The following ASTN2 variants were observed in gnomAD, a reference collection of about 807,000 sequenced individuals.
ASTN2 encodes astrotactin 2, also known as astrotactin-2.
In ASTN2, 54 loss-of-function variants were observed where a neutral mutation model predicts 139.8. That is an observed-to-expected ratio of 0.39 (90% CI 0.31 to 0.48). ASTN2 has a LOEUF of 0.48. ASTN2 is among the 20% of genes least tolerant of loss of function. The probability of loss-of-function intolerance (pLI) is 0.95; values close to 1 mark genes in which losing one functional copy is unlikely to be tolerated. For missense variants in ASTN2, 1,565 were observed against 1,725.1 expected (o/e 0.91, Z 1.64); for synonymous variants, 756 against 719.5 (o/e 1.05, Z -0.81).
chr9:116,873,378 A>G (rs1329847651), intron 10 of ASTN2, among the ~76,000 whole-genome samples: 1 of 152,226 alleles, frequency 6.6e-6, no homozygotes, highest in African/African-American at 2.4e-5. Flanking sequence ...AAAGCCAGAG[A>G]CATTCAGCAA....
intron 16 of ASTN2, among the ~76,000 whole-genome samples, chr9:116,652,454 T>C (rs1327072728): frequency 1.3e-5 from 2 of 152,246 alleles, no homozygotes; most frequent in Admixed American, 6.5e-5. Flanking sequence ...CAAAAATTCC[T>C]TTCAGTCTTC....
rs534727528 is a variant in ASTN2, at chr9:117,383,869, A to C, written c.442+30628T>G. Among the ~76,000 whole-genome samples, 6 of 152,228 alleles carry C rather than the reference A, an allele frequency of 3.9e-5. No individual in the cohort carries two copies. The East Asian group carries it at 9.7e-4, about 24-fold the overall frequency. ...TGTTACGCTCAGCTCCCTTCTATCA[A>C]TTCCAGCTGCTCAGATGTTCCTAAC... On this transcript the variant is annotated intron_variant, in intron 1 of 22. Coordinates refer to ENST00000313400, the MANE Select transcript of ASTN2 (RefSeq NM_001365068.1).
intron 16 of ASTN2, among the ~76,000 whole-genome samples, chr9:116,685,596 C>G (rs1860153813): frequency 6.6e-6 from 1 of 152,094 alleles, no homozygotes; most frequent in South Asian, 2.1e-4. Context: ...TTTTTAAATG[C>G]CTCTGTGTAA....
At chr9:117,035,326 T>C (rs1379878489) in intron 6 of ASTN2, among the ~76,000 whole-genome samples, 1 of 152,166 alleles carries the variant, frequency 6.6e-6, no homozygotes. Context: ...TGAATACATA[T>C]ATGTAAAATA....
intron 1 of ASTN2, among the ~76,000 whole-genome samples, chr9:117,334,294 G>A (rs1828805272): frequency 6.6e-6 from 1 of 152,092 alleles, no homozygotes; most frequent in African/African-American, 2.4e-5. Context: ...GCCTTTGTAG[G>A]AACTGTCCAT....
intron 19 of ASTN2, among the ~76,000 whole-genome samples, chr9:116,542,763 A>T (rs1851927382): frequency 6.6e-6 from 1 of 152,054 alleles, no homozygotes; most frequent in African/African-American, 2.4e-5. Context: ...CCAAAAATAC[A>T]AAAAGTAGCT....
intron 19 of ASTN2, among the ~76,000 whole-genome samples, chr9:116,571,493 T>C (rs1203219663): frequency 2.0e-5 from 3 of 152,246 alleles, no homozygotes; most frequent in African/African-American, 4.8e-5. Flanking sequence ...TGTGGAGTTA[T>C]GTCCATACGG....
intron 10 of ASTN2, among the ~76,000 whole-genome samples, chr9:116,893,609 G>T (rs149831692): frequency 2.6e-5 from 4 of 152,026 alleles, no homozygotes; most frequent in East Asian, 1.9e-4. Context: ...GATGTGTCAG[G>T]GTTCCTGGTA....
intron 16 of ASTN2, among the ~76,000 whole-genome samples, chr9:116,664,392 T>C (rs1475028737): frequency 1.3e-5 from 2 of 150,320 alleles, no homozygotes; most frequent in East Asian, 3.9e-4. Context: ...GAGCACTGTT[T>C]AGAGTGCTCT....
intron 10 of ASTN2, among the ~76,000 whole-genome samples, chr9:116,929,452 C>T (rs1026933523): frequency 6.6e-6 from 1 of 152,114 alleles, no homozygotes; most frequent in Non-Finnish European, 1.5e-5. Context: ...AGGAGAGGCA[C>T]TGAGACTTTT....
At chr9:117,062,081 T>A (rs1422647154) in intron 5 of ASTN2, among the ~76,000 whole-genome samples, 1 of 152,134 alleles carries the variant, frequency 6.6e-6, no homozygotes, top group East Asian at 1.9e-4. Flanking sequence ...GAAGGATGGG[T>A]CTTCTCCTGT....
At chr9:117,342,290 C>A (rs535148909) in intron 1 of ASTN2, among the ~76,000 whole-genome samples, 48 of 152,290 alleles carry the variant, frequency 3.2e-4, no homozygotes, top group Middle Eastern at 3.4e-3. Context: ...AGATGCTTTA[C>A]TGTTGGCATG....
At chr9:116,431,346 C>G (rs555060634) in intron 22 of ASTN2, among the ~76,000 whole-genome samples, 1 of 152,118 alleles carries the variant, frequency 6.6e-6, no homozygotes, top group African/African-American at 2.4e-5. Flanking sequence ...TGTCCCGAAG[C>G]TTAATGAGAA....
chr9:117,386,756 C>G (rs1277521469), intron 1 of ASTN2, among the ~76,000 whole-genome samples: 1 of 152,142 alleles, frequency 6.6e-6, no homozygotes, highest in Non-Finnish European at 1.5e-5. Context: ...GGGTGTCACT[C>G]ACCCTTCCTG....
At chr9:117,158,183 C>A (rs1360362889) in intron 3 of ASTN2, among the ~76,000 whole-genome samples, 1 of 152,052 alleles carries the variant, frequency 6.6e-6, no homozygotes, top group Non-Finnish European at 1.5e-5. Flanking sequence ...TAACCCAGTT[C>A]CACTGCTAGT....
In ASTN2 at chr9:116,855,096, C is replaced by T. The variant is rs117226495; in HGVS notation, c.2040+8487G>A. Among the ~76,000 whole-genome samples, 14 of 152,144 alleles carry T rather than the reference C, an allele frequency of 9.2e-5. No individual in the cohort carries two copies. In the East Asian group the frequency reaches 2.7e-3, roughly 29 times the overall value. ...CCAGCTTACCAGAAATACCATCAGA[C>T]CCAGCAAATCCAAGTCCCAACGAAA... On this transcript the variant is annotated intron_variant, in intron 11 of 22. Coordinates refer to ENST00000313400, the MANE Select transcript of ASTN2 (RefSeq NM_001365068.1).
intron 6 of ASTN2, among the ~76,000 whole-genome samples, chr9:117,029,457 A>C (rs116629322): frequency 6.6e-6 from 1 of 152,026 alleles, no homozygotes; most frequent in African/African-American, 2.4e-5. Context: ...CCTTCTTCCC[A>C]TCTCCAGCTT....
intron 5 of ASTN2, among the ~76,000 whole-genome samples, chr9:117,087,296 G>A (rs550355270): frequency 3.3e-5 from 5 of 151,898 alleles, no homozygotes; most frequent in Non-Finnish European, 5.9e-5. Flanking sequence ...GTGCAGAGGT[G>A]CAATCATGGC....
chr9:116,925,204 C>T (rs1488712488), intron 10 of ASTN2, among the ~76,000 whole-genome samples: 1 of 152,084 alleles, frequency 6.6e-6, no homozygotes, highest in African/African-American at 2.4e-5. Flanking sequence ...GAGCTACAGC[C>T]CCTGCTTAGT....
Sources: gnomAD v4.1 joint callset for allele counts (sites outside exome capture counted in the v4.1 genomes callset) on GRCh38, gnomAD v4.1.1 for gene constraint, MANE v1.5 for transcripts, NCBI Gene and HGNC (gene_info 2026-07-23, HGNC 2026-07-21) for gene names.